The following RBFOX1 variants were observed in gnomAD, a reference collection of about 807,000 sequenced individuals.
RBFOX1 encodes RNA binding fox-1 homolog 1, also known as RNA binding protein fox-1 homolog 1.
RBFOX1 carries 8 observed loss-of-function variants against 57.7 expected under a neutral mutation model. The observed-to-expected ratio is 0.14, with a 90% CI of 0.08 to 0.25. The LOEUF (loss-of-function observed/expected upper bound fraction) is 0.25, where lower values mean the gene tolerates loss of function less well. Among genes scored for constraint, RBFOX1 ranks in the 10% least tolerant of loss-of-function variants. The pLI is 1.00. For missense variants in RBFOX1, 611 were observed against 548.5 expected, an observed-to-expected ratio of 1.11 and a Z score of -1.14; for synonymous variants, 326 against 222.4, an observed-to-expected ratio of 1.47 and a Z score of -4.15.
chr16:5,849,515 T>C (rs1269466502), intron 3 of RBFOX1, among the ~76,000 whole-genome samples: 2 of 152,136 alleles, frequency 1.3e-5, no homozygotes, highest in Non-Finnish European at 2.9e-5. Flanking sequence ...GTATCCACTC[T>C]AGGGTCCTTC....
chr16:6,823,510 G>C (rs936050166), intron 3 of RBFOX1, among the ~76,000 whole-genome samples: 1 of 151,732 alleles, frequency 6.6e-6, no homozygotes, highest in East Asian at 1.9e-4. Flanking sequence ...GTATGCCTCA[G>C]TCTCCCAAAG....
intron 4 of RBFOX1, among the ~76,000 whole-genome samples, chr16:7,114,495 C>T (rs1051164335): frequency 1.3e-5 from 2 of 152,160 alleles, no homozygotes; most frequent in East Asian, 1.9e-4. Context: ...AGCACTCAAG[C>T]ACTGTGAAAA....
chr16:7,612,497 T>C (rs1568092445), intron 10 of RBFOX1, among the ~76,000 whole-genome samples: 2 of 151,828 alleles, frequency 1.3e-5, no homozygotes, highest in Admixed American at 6.6e-5. Flanking sequence ...GCAGGCCTCA[T>C]GTTATCTAGT....
At chr16:5,689,235 C>G (rs1187014911) in intron 3 of RBFOX1, among the ~76,000 whole-genome samples, 1 of 152,208 alleles carries the variant, frequency 6.6e-6, no homozygotes, top group Non-Finnish European at 1.5e-5. Flanking sequence ...TCAGCTCCAT[C>G]ACTTATGATT....
chr16:5,951,485 A>G (rs1178926053), intron 4 of RBFOX1, among the ~76,000 whole-genome samples: 1 of 152,006 alleles, frequency 6.6e-6, no homozygotes, highest in East Asian at 1.9e-4. Context: ...ATGTGTATAT[A>G]TATGTGTGTG....
intron 4 of RBFOX1, among the ~76,000 whole-genome samples, chr16:7,492,304 C>G (rs1024367008): frequency 6.6e-6 from 1 of 151,910 alleles, no homozygotes; most frequent in African/African-American, 2.4e-5. Flanking sequence ...TGTTTCTGTC[C>G]TTGGTGCTGA....
chr16:5,482,688 G>C (rs981461617), intron 2 of RBFOX1, among the ~76,000 whole-genome samples: 4 of 152,160 alleles, frequency 2.6e-5, no homozygotes, highest in African/African-American at 9.7e-5. Context: ...GCAGAGAATG[G>C]GGGTGTGTGT....
chr16:6,748,389 T>G lies in RBFOX1; in HGVS notation c.-16+93739T>G, dbSNP rs535805953. Among the ~76,000 whole-genome samples the G allele has an allele frequency of 4.6e-5, 7 of 152,272 alleles. No individual in the cohort carries two copies. The South Asian group carries it at 8.3e-4, about 18-fold the overall frequency. ...AGCACAAATTATTTGGGGTGGGCAC[T>G]GTGGCTCACACCTATAATCCCAACA... is the stretch of plus-strand genomic sequence containing the variant. On this transcript the variant is annotated intron_variant, in intron 3 of 15. Coordinates refer to ENST00000550418, the MANE Select transcript of RBFOX1 (RefSeq NM_018723.4).
At chr16:7,051,704 C>G (rs1403982577) in intron 3 of RBFOX1, among the ~76,000 whole-genome samples, 2 of 152,156 alleles carry the variant, frequency 1.3e-5, no homozygotes, top group Non-Finnish European at 2.9e-5. Context: ...TGGAGGAATT[C>G]TTGCACCTGT....
chr16:7,155,862 T>G (rs1165537078), intron 4 of RBFOX1, among the ~76,000 whole-genome samples: 1 of 151,632 alleles, frequency 6.6e-6, no homozygotes, highest in Non-Finnish European at 1.5e-5. Flanking sequence ...GAACCATATG[T>G]AGTGGTCATA....
At chr16:7,141,479 C>A (rs2073772276) in intron 4 of RBFOX1, among the ~76,000 whole-genome samples, 1 of 152,238 alleles carries the variant, frequency 6.6e-6, no homozygotes, top group African/African-American at 2.4e-5. Context: ...GCGCAGCAGT[C>A]AATGAGAGCA....
At chr16:5,576,958 G>T (rs79395869) in intron 2 of RBFOX1, among the ~76,000 whole-genome samples, 2 of 152,202 alleles carry the variant, frequency 1.3e-5, no homozygotes, top group African/African-American at 4.8e-5. Flanking sequence ...GAGTTAAGCC[G>T]TCAATATCCT....
intron 3 of RBFOX1, among the ~76,000 whole-genome samples, chr16:5,675,724 G>C (rs546598339): frequency 3.2e-4 from 49 of 152,308 alleles, no homozygotes; most frequent in South Asian, 1.7e-3. Context: ...AGGGATAGAT[G>C]ATTAATAGCA....
intron 4 of RBFOX1, among the ~76,000 whole-genome samples, chr16:5,916,098 C>T (rs988321929): frequency 2.0e-5 from 3 of 151,948 alleles, no homozygotes; most frequent in South Asian, 2.1e-4. Flanking sequence ...GACTTTAAGC[C>T]GTATCTCAAG....
At chr16:7,489,136 C>A (rs549121136) in intron 4 of RBFOX1, among the ~76,000 whole-genome samples, 10 of 152,172 alleles carry the variant, frequency 6.6e-5, no homozygotes, top group Non-Finnish European at 1.3e-4. Context: ...CTCTCTGTTT[C>A]TCTGCCTCTG....
chr16:6,568,224 C>G (rs1367633345), intron 2 of RBFOX1, among the ~76,000 whole-genome samples: 5 of 152,194 alleles, frequency 3.3e-5, no homozygotes, highest in South Asian at 2.1e-4. Context: ...GGGAGTGGCT[C>G]TAGCTCTAGT....
intron 4 of RBFOX1, among the ~76,000 whole-genome samples, chr16:5,938,471 A>G (rs1217643501): frequency 6.6e-6 from 1 of 152,206 alleles, no homozygotes; most frequent in Non-Finnish European, 1.5e-5. Context: ...TATTTAAAAT[A>G]AACTCAGTCT....
chr16:7,535,942 G>A (rs1016421962), intron 5 of RBFOX1, among the ~76,000 whole-genome samples: 6 of 152,152 alleles, frequency 3.9e-5, no homozygotes, highest in South Asian at 2.1e-4. Context: ...TTTGAGAGGC[G>A]CAGAACTGGG....
intron 4 of RBFOX1, among the ~76,000 whole-genome samples, chr16:5,886,019 T>G (rs545308939): frequency 3.5e-4 from 53 of 152,236 alleles, no homozygotes; most frequent in African/African-American, 1.2e-3. Flanking sequence ...TGTTTAAACG[T>G]GGGTAACACC....
Sources: gnomAD v4.1 joint callset for allele counts (sites outside exome capture counted in the v4.1 genomes callset) on GRCh38, gnomAD v4.1.1 for gene constraint, MANE v1.5 for transcripts, NCBI Gene and HGNC (gene_info 2026-07-23, HGNC 2026-07-21) for gene names.